The following SYT14 variants were observed in gnomAD, a reference collection of about 807,000 sequenced individuals.
SYT14 encodes synaptotagmin-14.
Under a neutral mutation model 74.2 loss-of-function variants are expected in SYT14, and 32 were observed. The ratio of observed to expected loss-of-function variants is 0.43; its 90% CI spans 0.33 to 0.58. SYT14 has a LOEUF of 0.58. Among genes scored for constraint, SYT14 ranks in the 20% least tolerant of loss-of-function variants. The pLI, the probability that SYT14 is intolerant of heterozygous loss-of-function variation, is 0.05. For missense variants in SYT14, 791 were observed against 981.8 expected, an observed-to-expected ratio of 0.81 and a Z score of 2.60; for synonymous variants, 298 against 337.7, an observed-to-expected ratio of 0.88 and a Z score of 1.29.
At chr1:210,007,598 A>G (rs2080012373) in intron 2 of SYT14, among the ~76,000 whole-genome samples, 1 of 152,090 alleles carries the variant, frequency 6.6e-6, no homozygotes. Context: ...GGAAGTTGAA[A>G]TTGCTTGCTA....
At chr1:210,164,373 A>G (rs1357206990) in exon 10 of SYT14, 1 of 182,316 alleles carries the variant, frequency 5.5e-6, no homozygotes, top group Non-Finnish European at 1.2e-5. Context: ...AGTTTCATCC[A>G]ACCTAGCGAA....
intron 2 of SYT14, among the ~76,000 whole-genome samples, chr1:209,966,997 C>A (rs926187782): frequency 6.7e-6 from 1 of 150,106 alleles, no homozygotes; most frequent in Non-Finnish European, 1.5e-5. Flanking sequence ...TGAGGAACTC[C>A]CTTTTTATTC....
chr1:209,977,273 C>T (rs1448092811), intron 2 of SYT14, among the ~76,000 whole-genome samples: 4 of 152,092 alleles, frequency 2.6e-5, no homozygotes, highest in South Asian at 2.1e-4. Context: ...TTATTTTGCT[C>T]GTTAGTTGAT....
rs74516393 is a variant in SYT14 at position 210,162,838 on chromosome 1, A to G, written c.*1796A>G. On this transcript the variant is annotated 3_prime_UTR_variant, in exon 10 of 10. Coordinates refer to ENST00000637265, the Ensembl canonical transcript of SYT14. The stretch of plus-strand genomic sequence containing the variant: ...TTATAAGAAAAAATACAAATGCTAT[A>G]TTGGATGACATGAGGTTTGAGAATG... 2,829 of 453,192 alleles carry G rather than the reference A, an allele frequency of 6.2e-3. 89 individuals carry two copies. Among genetic ancestry groups the G allele is most frequent in the African/African-American group, 0.052 (2,626 of 50,062 alleles). The allele number at this position is 453,192 out of a possible 1,614,324, so 28.1% of individuals were successfully genotyped here.
At chr1:210,166,552 A>G (rs200607078) in exon 10 of SYT14, 2 of 24,612 alleles carry the variant, frequency 8.1e-5, no homozygotes, top group African/African-American at 1.5e-4. Flanking sequence ...GGTGACACAG[A>G]AGACCTTGTA....
At chr1:209,951,782 C>T (rs998132517) in intron 1 of SYT14, among the ~76,000 whole-genome samples, 13 of 152,036 alleles carry the variant, frequency 8.6e-5, no homozygotes, top group African/African-American at 3.1e-4. Flanking sequence ...TATTTATACA[C>T]AATGGAATTC....
chr1:210,010,097 A>G (rs2080058979), intron 2 of SYT14, among the ~76,000 whole-genome samples: 1 of 152,096 alleles, frequency 6.6e-6, no homozygotes, highest in Non-Finnish European at 1.5e-5. Context: ...ATATTTTACC[A>G]CTATTGACTT....
intron 5 of SYT14, among the ~76,000 whole-genome samples, chr1:210,051,075 C>T (rs2080985847): frequency 6.6e-6 from 1 of 152,188 alleles, no homozygotes; most frequent in African/African-American, 2.4e-5. Flanking sequence ...CAATCCAGTA[C>T]CAGAGTTCTT....
chr1:209,940,025 C>T (rs1244877495), intron 1 of SYT14, among the ~76,000 whole-genome samples: 1 of 152,150 alleles, frequency 6.6e-6, no homozygotes, highest in Non-Finnish European at 1.5e-5. Context: ...GTTTGAGATA[C>T]TCTCATAAAT....
chr1:210,102,878 G>T (rs1453674581), intron 7 of SYT14, among the ~76,000 whole-genome samples: 1 of 151,794 alleles, frequency 6.6e-6, no homozygotes, highest in Non-Finnish European at 1.5e-5. Context: ...GAGTCTTGCT[G>T]TGTTGTCCAG....
chr1:209,938,700 C>T lies in SYT14; in HGVS notation c.-534+423C>T, dbSNP rs535816328. 3.1e-3 allele frequency among the ~76,000 whole-genome samples: 467 copies of T among 152,220 alleles called. 5 individuals are homozygous for T. Among genetic ancestry groups the T allele is most frequent in the Non-Finnish European group, 2.4e-3 (164 of 67,998 alleles). On this transcript the variant is annotated intron_variant, in intron 1 of 9. Coordinates refer to ENST00000637265, the Ensembl canonical transcript of SYT14. ...TTTTCTTTCCCCGGCCGCGGCAAACCATCCTTCCGCAATACCCACCTTCCT... is the reference window on the plus strand; with the variant it reads ...TTTTCTTTCCCCGGCCGCGGCAAACTATCCTTCCGCAATACCCACCTTCCT...
At chr1:210,170,409 G>T (rs919950947) in exon 10 of SYT14, 9 of 151,884 alleles carry the variant, frequency 5.9e-5, no homozygotes, top group Non-Finnish European at 1.2e-4. Context: ...TGTATACACC[G>T]ATTGTCTCGG....
chr1:210,157,882 A>G (rs1320101147), intron 8 of SYT14, among the ~76,000 whole-genome samples: 1 of 152,204 alleles, frequency 6.6e-6, no homozygotes. Context: ...AAGTTACTAT[A>G]ATATATTGGG....
chr1:209,973,071 T>C (rs1422178579), intron 2 of SYT14, among the ~76,000 whole-genome samples: 1 of 152,206 alleles, frequency 6.6e-6, no homozygotes, highest in South Asian at 2.1e-4. Flanking sequence ...TCTTGTTTAA[T>C]TGGACACTTT....
intron 5 of SYT14, among the ~76,000 whole-genome samples, chr1:210,040,632 CT>C (rs1354069477): frequency 2.6e-5 from 4 of 152,008 alleles, no homozygotes; most frequent in African/African-American, 9.7e-5. Context: ...ACTTTAAAAT[CT>C]AATCTGTGTG....
chr1:209,984,490 C>T (rs1418987489), intron 2 of SYT14, among the ~76,000 whole-genome samples: 1 of 152,136 alleles, frequency 6.6e-6, no homozygotes, highest in Non-Finnish European at 1.5e-5. Context: ...GTCATTCTCT[C>T]TTATCTTTTA....
In SYT14 at chr1:210,099,450, C is replaced by T. The variant is rs758495180; in HGVS notation, c.1585-562C>T. On this transcript the variant is annotated intron_variant, in intron 6 of 9. Coordinates refer to ENST00000637265, the Ensembl canonical transcript of SYT14. ...ATGTTATGGAAAGTAAATATTTGAC[C>T]GCTAATATTTTGAGACCTTTATTTA... Among the ~76,000 whole-genome samples, 15 of 151,968 alleles carry T rather than the reference C, an allele frequency of 9.9e-5. No individual in the cohort carries two copies. The South Asian group carries it at 1.5e-3, about 15-fold the overall frequency.
intron 2 of SYT14, among the ~76,000 whole-genome samples, chr1:210,003,524 T>C (rs4844936): frequency 0.035 from 5,273 of 152,268 alleles, 615 homozygotes; most frequent in Admixed American, 0.23. Flanking sequence ...GCCATTTGAA[T>C]TTATTTGGAT....
intron 7 of SYT14, among the ~76,000 whole-genome samples, chr1:210,107,501 A>G (rs1256799928): frequency 6.6e-6 from 1 of 152,198 alleles, no homozygotes; most frequent in Non-Finnish European, 1.5e-5. Flanking sequence ...TCTGGACAGT[A>G]TAAAAAATAC....
Sources: allele counts gnomAD v4.1 joint callset (sites outside exome capture counted in the v4.1 genomes callset), GRCh38; gene constraint gnomAD v4.1.1; transcripts MANE v1.5; gene names NCBI Gene and HGNC (gene_info 2026-07-23, HGNC 2026-07-21).